Variants in NFIA observed in about 807,000 individuals in gnomAD.
NFIA encodes the protein nuclear factor 1 A-type.
A neutral mutation model predicts 62.8 loss-of-function variants in NFIA; 8 were observed. The observed-to-expected ratio is 0.13, with a 90% CI of 0.07 to 0.23. The LOEUF is 0.23. Ranked by LOEUF, NFIA falls within the 10% of genes least tolerant of loss-of-function variation. The probability of loss-of-function intolerance (pLI) is 1.00; values close to 1 mark genes in which losing one functional copy is unlikely to be tolerated. For missense variants in NFIA, 410 were observed against 642.1 expected, an observed-to-expected ratio of 0.64 and a Z score of 3.91; for synonymous variants, 235 against 238.1, an observed-to-expected ratio of 0.99 and a Z score of 0.12.
intron 3 of NFIA, among the ~76,000 whole-genome samples, chr1:61,278,062 A>T (rs1321501083): frequency 6.7e-6 from 1 of 149,218 alleles, no homozygotes; most frequent in Non-Finnish European, 1.5e-5. Flanking sequence ...AAAAAAAAAA[A>T]TATCTATGCT....
chr1:61,433,563 C>T (rs900852008), intron 10 of NFIA, among the ~76,000 whole-genome samples: 2 of 151,972 alleles, frequency 1.3e-5, no homozygotes, highest in East Asian at 1.9e-4. Flanking sequence ...CACACACACA[C>T]ACACCCTTAT....
intron 10 of NFIA, among the ~76,000 whole-genome samples, chr1:61,431,289 C>T (rs1667088265): frequency 6.6e-6 from 1 of 152,172 alleles, no homozygotes; most frequent in Non-Finnish European, 1.5e-5. Context: ...AGTTTCCACA[C>T]AAGGGGACTG....
chr1:61,309,554 C>T (rs1557697624), intron 3 of NFIA, among the ~76,000 whole-genome samples: 1 of 151,532 alleles, frequency 6.6e-6, no homozygotes, highest in African/African-American at 2.4e-5. Flanking sequence ...TCCAGGTTCT[C>T]ATCAGTTCAA....
intron 2 of NFIA, among the ~76,000 whole-genome samples, chr1:61,138,830 C>T: frequency 6.6e-6 from 1 of 151,846 alleles, no homozygotes. Flanking sequence ...CGTCCGCCCA[C>T]CTCGGCCTCC....
At chr1:61,126,466 A>ACACACT (rs1553153101) in intron 2 of NFIA, among the ~76,000 whole-genome samples, 16 of 151,532 alleles carry the variant, frequency 1.1e-4, no homozygotes, top group Non-Finnish European at 2.1e-4. Flanking sequence ...ACACACACAC[A>ACACACT]CACACACACT....
In NFIA at chr1:61,458,675, C is replaced by T. The variant is rs1668408562; in HGVS notation, c.*3355C>T. 1 of 145,016 alleles carries T rather than the reference C, an allele frequency of 6.9e-6. No homozygotes were observed. Among genetic ancestry groups the T allele is most frequent in the Non-Finnish European group, 1.5e-5 (1 of 66,908 alleles). 9.0% of individuals were successfully genotyped at this position (145,016 alleles called of 1,614,324 possible). A position where few individuals can be genotyped will look rare whatever the true frequency, so the allele number is the denominator to read the frequency against. On this transcript the variant is annotated 3_prime_UTR_variant, in exon 11 of 11. Transcript: ENST00000403491. The stretch of plus-strand genomic sequence containing the variant: ...TTGGGAACTGGATTTAAGTTTAAAA[C>T]TTTCCTGTTTCCTTTTTTTTTTTTT...
chr1:61,281,354 G>A (rs1244645668), intron 3 of NFIA, among the ~76,000 whole-genome samples: 1 of 152,138 alleles, frequency 6.6e-6, no homozygotes, highest in East Asian at 1.9e-4. Context: ...AGGACTCAAA[G>A]GAAGGTTACC....
chr1:61,196,930 TGTGTGTGTGTGC>T (rs201713044), intron 2 of NFIA, among the ~76,000 whole-genome samples: 1,798 of 107,824 alleles, frequency 0.017, 20 homozygotes, highest in African/African-American at 0.067. Context: ...TGTGTGTGTG[TGTGTGTGTGTGC>T]GCGCGCGCGC....
chr1:61,312,367 G>A (rs948493763), intron 3 of NFIA, among the ~76,000 whole-genome samples: 14 of 152,174 alleles, frequency 9.2e-5, no homozygotes, highest in African/African-American at 3.1e-4. Flanking sequence ...CATTGCTCCA[G>A]GGTTTTTCTT....
At chr1:61,429,704 G>A (rs987990078) in intron 10 of NFIA, among the ~76,000 whole-genome samples, 1 of 152,092 alleles carries the variant, frequency 6.6e-6, no homozygotes, top group Admixed American at 6.5e-5. Context: ...AACAAAATGT[G>A]GTCTATACAT....
chr1:61,244,347 CTA>C (rs1655520404), intron 2 of NFIA, among the ~76,000 whole-genome samples: 1 of 152,168 alleles, frequency 6.6e-6, no homozygotes, highest in Non-Finnish European at 1.5e-5. Flanking sequence ...TCACCACTCT[CTA>C]TTTTATTTAG....
At chr1:61,264,190 T>G (rs1656985017) in intron 2 of NFIA, among the ~76,000 whole-genome samples, 1 of 152,168 alleles carries the variant, frequency 6.6e-6, no homozygotes, top group Non-Finnish European at 1.5e-5. Flanking sequence ...GAGGGATCCA[T>G]GCTGATTTTT....
In NFIA at chr1:61,234,367, C is replaced by CAA. The variant is rs34304036; in HGVS notation, c.560-43132_560-43131dup. On this transcript the variant is annotated intron_variant, in intron 2 of 10. Transcript: ENST00000403491. ...GGGCAACAAGAGTGAAACGCCATCT[C>CAA]AAAAAAAAAAAAAAAAAAAAAAGTG... is the stretch of plus-strand genomic sequence containing the variant. Among the ~76,000 whole-genome samples, 317 of 73,270 alleles carry CAA rather than the reference C, an allele frequency of 4.3e-3. 2 individuals are homozygous for CAA. The highest frequency in any genetic ancestry group is 0.015 in the African/African-American group (264 of 17,500). The allele number at this position is 73,270 out of a possible 152,430, so 48.1% of individuals were successfully genotyped here.
intron 5 of NFIA, among the ~76,000 whole-genome samples, chr1:61,358,379 C>CTTTTTTTTTTTTTTTTTTTTTTTTTTTTT (rs34853369): frequency 6.7e-4 from 35 of 52,614 alleles, no homozygotes; most frequent in Admixed American, 1.2e-3. Context: ...TTCTTTCTTT[C>CTTTTTTTTTTTTTTTTTTTTTTTTTTTTT]TTTTTTTTTT....
In NFIA at chr1:61,264,271, C is replaced by T. The variant is rs140636539; in HGVS notation, c.560-13249C>T. 3.0e-3 allele frequency among the ~76,000 whole-genome samples: 457 copies of T among 152,172 alleles called. 6 individuals carry two copies. The highest frequency in any genetic ancestry group is 0.021 in the East Asian group (109 of 5,174). Reference sequence around the variant, plus strand: ...TTGATGATCAGCTATTGAAATAGCACGTATGTTAGAGACAGTCCTCCCAGC... The same window carrying T: ...TTGATGATCAGCTATTGAAATAGCATGTATGTTAGAGACAGTCCTCCCAGC... On this transcript the variant is annotated intron_variant, in intron 2 of 10. Transcript: ENST00000403491.
At chr1:61,297,134 T>C (rs1452263999) in intron 3 of NFIA, among the ~76,000 whole-genome samples, 3 of 152,340 alleles carry the variant, frequency 2.0e-5, no homozygotes, top group South Asian at 2.1e-4. Context: ...TGTATTTATT[T>C]AAAAGGTTTG....
At chr1:61,204,650 T>G (rs1019508747) in intron 2 of NFIA, among the ~76,000 whole-genome samples, 1 of 152,164 alleles carries the variant, frequency 6.6e-6, no homozygotes, top group Admixed American at 6.5e-5. Context: ...TATGTCTGCC[T>G]TAGTCCACCT....
intron 4 of NFIA, among the ~76,000 whole-genome samples, chr1:61,341,060 C>CTT (rs35203949): frequency 0.027 from 2,919 of 108,718 alleles, 192 homozygotes; most frequent in African/African-American, 0.093. Flanking sequence ...TACCGGCATT[C>CTT]TTTTTTTTTT....
In NFIA at chr1:61,173,527, A is replaced by G. The variant is rs562641565; in HGVS notation, c.559+84847A>G. On this transcript the variant is annotated intron_variant, in intron 2 of 10. Coordinates refer to ENST00000403491, the MANE Select transcript of NFIA (RefSeq NM_001134673.4). The stretch of plus-strand genomic sequence containing the variant: ...CTCAGCCTCCCGAGTAGCTGGGATT[A>G]CAGACATTGCACCACTATGCCCTGC... Among the ~76,000 whole-genome samples the G allele has an allele frequency of 5.9e-5, 9 of 152,174 alleles. No individual in the cohort carries two copies. In the South Asian group the frequency reaches 1.5e-3, roughly 25 times the overall value.
Sources: gnomAD v4.1 joint callset for allele counts (sites outside exome capture counted in the v4.1 genomes callset) on GRCh38, gnomAD v4.1.1 for gene constraint, MANE v1.5 for transcripts, NCBI Gene and HGNC (gene_info 2026-07-23, HGNC 2026-07-21) for gene names.